Variants in EPHA3 observed in about 807,000 individuals in gnomAD.
EPHA3 encodes ephrin type-A receptor 3.
In EPHA3, 42 loss-of-function variants were observed where a neutral mutation model predicts 107.1. The observed-to-expected ratio is 0.39, with a 90% confidence interval of 0.31 to 0.51. The LOEUF is 0.51. Ranked by LOEUF, EPHA3 falls within the 20% of genes least tolerant of loss-of-function variation. The pLI, the probability that EPHA3 is intolerant of heterozygous loss-of-function variation, is 0.78. For synonymous variants in EPHA3, 461 were observed against 424.8 expected (o/e 1.09, Z -1.05); for missense variants, 1,183 against 1,211.2 (o/e 0.98, Z 0.35).
chr3:89,272,611 A>G (rs1304966577), intron 3 of EPHA3, among the ~76,000 whole-genome samples: 1 of 151,892 alleles, frequency 6.6e-6, no homozygotes, highest in East Asian at 1.9e-4. Flanking sequence ...GTAGAATCGT[A>G]TTTCTCATTT....
In EPHA3 at chr3:89,365,383, G is replaced by A. The variant is rs144869983; in HGVS notation, c.1306+23293G>A. Among the ~76,000 whole-genome samples, 416 of 150,676 alleles carry A rather than the reference G, an allele frequency of 2.8e-3. 3 individuals are homozygous for A. The highest frequency in any genetic ancestry group is 9.7e-3 in the African/African-American group (401 of 41,304). ...TCTTTTGGGGGGATTTTGTTAGTCC[G>A]CTGGAGTGGACACACACTTACATTT... On this transcript the variant is annotated intron_variant, in intron 5 of 16. Coordinates refer to ENST00000336596, the MANE Select transcript of EPHA3 (RefSeq NM_005233.6).
chr3:89,146,665 T>C (rs1222935647), intron 2 of EPHA3, among the ~76,000 whole-genome samples: 10 of 152,092 alleles, frequency 6.6e-5, no homozygotes, highest in Admixed American at 6.6e-4. Flanking sequence ...CATTTTTCAA[T>C]TTTGGCTTTT....
At chr3:89,150,258 G>A (rs1473575516) in intron 2 of EPHA3, among the ~76,000 whole-genome samples, 1 of 151,728 alleles carries the variant, frequency 6.6e-6, no homozygotes, top group African/African-American at 2.4e-5. Flanking sequence ...ATTTTCATGG[G>A]GTATATTTTG....
At position 89,211,808 on chromosome 3, in the gene EPHA3, T is replaced by C. The variant is rs1196539162; in HGVS notation, c.814+1288T>C. Among the ~76,000 whole-genome samples the C allele has an allele frequency of 5.6e-3, 537 of 96,438 alleles. 2 individuals are homozygous for C. The highest frequency in any genetic ancestry group is 0.02 in the African/African-American group (403 of 19,964). The allele number at this position is 96,438 out of a possible 152,430, so 63.3% of individuals were successfully genotyped here. ...TTCTTCTTCTTCTTCTTCTTCTTCT[T>C]CTTCTTCTTCTCCTTCTCCTCCTCC... On this transcript the variant is annotated intron_variant, in intron 3 of 16. Transcript: ENST00000336596.
intron 3 of EPHA3, among the ~76,000 whole-genome samples, chr3:89,319,178 T>C (rs1179308206): frequency 1.3e-5 from 2 of 151,928 alleles, no homozygotes; most frequent in Non-Finnish European, 2.9e-5. Flanking sequence ...ACTCCTTTCT[T>C]TTCTACTATA....
chr3:89,379,755 A>C (rs2107482460), intron 5 of EPHA3, among the ~76,000 whole-genome samples: 1 of 152,322 alleles, frequency 6.6e-6, no homozygotes, highest in South Asian at 2.1e-4. Flanking sequence ...ACAATGACCA[A>C]CCAAAATTAT....
At chr3:89,230,824 T>TCACACA (rs61566796) in intron 3 of EPHA3, among the ~76,000 whole-genome samples, 28 of 139,632 alleles carry the variant, frequency 2.0e-4, no homozygotes, top group African/African-American at 7.2e-4. Context: ...TCTCTCTCTC[T>TCACACA]CACACACACA....
intron 3 of EPHA3, among the ~76,000 whole-genome samples, chr3:89,222,481 C>A (rs1270692725): frequency 6.8e-6 from 1 of 147,398 alleles, no homozygotes; most frequent in Non-Finnish European, 1.5e-5. Flanking sequence ...ACATAAAATG[C>A]AAAATAATAT....
At chr3:89,171,922 T>C (rs1278924423) in intron 2 of EPHA3, among the ~76,000 whole-genome samples, 2 of 152,148 alleles carry the variant, frequency 1.3e-5, no homozygotes, top group Non-Finnish European at 2.9e-5. Context: ...AATCTTTCTA[T>C]AGACAGAAGC....
chr3:89,136,329 G>GTTTTTTTTTTTT (rs1559747476), intron 2 of EPHA3, among the ~76,000 whole-genome samples: 55 of 23,844 alleles, frequency 2.3e-3, no homozygotes, highest in Non-Finnish European at 3.8e-3. Flanking sequence ...AATCTTACAG[G>GTTTTTTTTTTTT]CTTTTTTTTT....
intron 2 of EPHA3, among the ~76,000 whole-genome samples, chr3:89,208,592 GGGAAGGAA>G (rs1315294800): frequency 1.9e-5 from 2 of 102,946 alleles, no homozygotes; most frequent in African/African-American, 5.8e-5. Flanking sequence ...AAGAAAGAAA[GGGAAGGAA>G]GGAAGGAAAG....
chr3:89,130,405 A>T (rs1484762821), intron 2 of EPHA3, among the ~76,000 whole-genome samples: 1 of 152,200 alleles, frequency 6.6e-6, no homozygotes, highest in Non-Finnish European at 1.5e-5. Flanking sequence ...AATTTTAAAA[A>T]ATAAATAAGT....
At chr3:89,386,702 C>T (rs757033360) in intron 5 of EPHA3, among the ~76,000 whole-genome samples, 23 of 152,114 alleles carry the variant, frequency 1.5e-4, no homozygotes, top group South Asian at 4.1e-4. Context: ...TGACAGCTTG[C>T]GTTGGATGCA....
chr3:89,158,787 A>T (rs958452699), intron 2 of EPHA3, among the ~76,000 whole-genome samples: 10 of 152,096 alleles, frequency 6.6e-5, no homozygotes, highest in African/African-American at 1.2e-4. Context: ...GTGCCAAAAG[A>T]GTACTGGATC....
At position 89,476,665 on chromosome 3, in the gene EPHA3, T is replaced by G. The variant is rs1433606190; in HGVS notation, c.2847-2732T>G. On this transcript the variant is annotated intron_variant, in intron 16 of 16. Transcript: ENST00000336596. ...CTCTGTCGCCCAGGCTGGAGTGCAG[T>G]GGCGCGATCTCGGCTCACTGCAAGC... Among the ~76,000 whole-genome samples, 3 of 151,542 alleles carry G rather than the reference T, an allele frequency of 2.0e-5. No homozygotes were observed. The East Asian group carries it at 5.8e-4, about 29-fold the overall frequency.
intron 5 of EPHA3, among the ~76,000 whole-genome samples, chr3:89,375,286 G>T (rs754479046): frequency 7.9e-5 from 12 of 151,722 alleles, no homozygotes; most frequent in Non-Finnish European, 1.8e-4. Flanking sequence ...TTACAATGAT[G>T]CAAGGTCTCT....
At chr3:89,365,780 G>T (rs1708174855) in intron 5 of EPHA3, among the ~76,000 whole-genome samples, 1 of 150,536 alleles carries the variant, frequency 6.6e-6, no homozygotes, top group Non-Finnish European at 1.5e-5. Context: ...CTTGAATAGG[G>T]TCTCTGCCTC....
intron 3 of EPHA3, among the ~76,000 whole-genome samples, chr3:89,247,496 GT>G (rs1470745634): frequency 6.6e-6 from 1 of 152,140 alleles, no homozygotes; most frequent in Non-Finnish European, 1.5e-5. Flanking sequence ...TTATTTATGT[GT>G]TGTCAGTTCA....
intron 1 of EPHA3, among the ~76,000 whole-genome samples, chr3:89,115,286 C>T (rs1325043557): frequency 2.0e-5 from 3 of 151,178 alleles, no homozygotes; most frequent in East Asian, 3.9e-4. Context: ...AAACTACCTG[C>T]TAGTGCCACC....
Sources: allele counts gnomAD v4.1 joint callset (sites outside exome capture counted in the v4.1 genomes callset), GRCh38; gene constraint gnomAD v4.1.1; transcripts MANE v1.5; gene names NCBI Gene and HGNC (gene_info 2026-07-23, HGNC 2026-07-21).